FOXN3: variants seen among roughly 807,000 people sequenced by gnomAD.
FOXN3 encodes forkhead box protein N3.
In FOXN3, 7 loss-of-function variants were observed where a neutral mutation model predicts 38.4. The observed-to-expected ratio is 0.18, with a 90% CI of 0.10 to 0.34. The LOEUF is 0.34. Among genes scored for constraint, FOXN3 ranks in the 10% least tolerant of loss-of-function variants. The probability of loss-of-function intolerance (pLI) is 1.00; values close to 1 mark genes in which losing one functional copy is unlikely to be tolerated. For missense variants in FOXN3, 456 were observed against 613.4 expected, an observed-to-expected ratio of 0.74 and a Z score of 2.71; for synonymous variants, 230 against 242.2, an observed-to-expected ratio of 0.95 and a Z score of 0.47.
At chr14:89,323,334 T>C (rs1338085268) in intron 3 of FOXN3, among the ~76,000 whole-genome samples, 2 of 145,274 alleles carry the variant, frequency 1.4e-5, no homozygotes, top group East Asian at 4.0e-4. Context: ...AGAATGACAG[T>C]GGGGCACGAG....
chr14:89,544,763 C>T (rs746663808), intron 1 of FOXN3, among the ~76,000 whole-genome samples: 8 of 152,108 alleles, frequency 5.3e-5, no homozygotes, highest in Non-Finnish European at 1.0e-4. Flanking sequence ...TACTGGGTGA[C>T]TTACAGATGG....
chr14:89,525,939 C>A (rs1894424118), intron 1 of FOXN3, among the ~76,000 whole-genome samples: 1 of 151,844 alleles, frequency 6.6e-6, no homozygotes, highest in Non-Finnish European at 1.5e-5. Context: ...GGAGTTTATT[C>A]CAGAAATGCA....
At chr14:89,531,129 T>TAC (rs1215202182) in intron 1 of FOXN3, among the ~76,000 whole-genome samples, 2 of 149,104 alleles carry the variant, frequency 1.3e-5, no homozygotes, top group Non-Finnish European at 3.0e-5. Context: ...ATAATATATA[T>TAC]ACACATATAT....
chr14:89,379,096 T>C (rs1277992046), intron 2 of FOXN3, among the ~76,000 whole-genome samples: 1 of 152,220 alleles, frequency 6.6e-6, no homozygotes, highest in African/African-American at 2.4e-5. Flanking sequence ...GTTTTCGTGA[T>C]ACCCTGGCTG....
chr14:89,507,766 GACAATTTC>G (rs1156631246), intron 1 of FOXN3, among the ~76,000 whole-genome samples: 7 of 151,162 alleles, frequency 4.6e-5, no homozygotes, highest in Non-Finnish European at 7.4e-5. Flanking sequence ...GAAGGAGGGA[GACAATTTC>G]ACACTCATTA....
intron 1 of FOXN3, among the ~76,000 whole-genome samples, chr14:89,590,508 G>C (rs892574107): frequency 3.9e-5 from 6 of 152,150 alleles, no homozygotes; most frequent in African/African-American, 1.2e-4. Context: ...GGAATCAGAG[G>C]CATCAGATAC....
At chr14:89,556,219 C>T (rs1461477598) in intron 1 of FOXN3, among the ~76,000 whole-genome samples, 1 of 151,962 alleles carries the variant, frequency 6.6e-6, no homozygotes, top group African/African-American at 2.4e-5. Flanking sequence ...GCCTGACCAA[C>T]ATGGAGAAAC....
chr14:89,579,205 C>T (rs1467557289), intron 1 of FOXN3, among the ~76,000 whole-genome samples: 3 of 143,442 alleles, frequency 2.1e-5, no homozygotes, highest in Non-Finnish European at 4.5e-5. Context: ...GGCTGAAGTA[C>T]ACTGGCATGA....
chr14:89,324,312 G>C (rs1887978752), intron 3 of FOXN3, among the ~76,000 whole-genome samples: 1 of 152,092 alleles, frequency 6.6e-6, no homozygotes. Flanking sequence ...GGGAGGTGGG[G>C]GGACATTTTC....
intron 1 of FOXN3, among the ~76,000 whole-genome samples, chr14:89,487,858 C>T (rs1566672788): frequency 6.6e-6 from 1 of 151,806 alleles, no homozygotes; most frequent in Non-Finnish European, 1.5e-5. Context: ...GGGGGTGCCA[C>T]GAAAGGAAGG....
intron 1 of FOXN3, among the ~76,000 whole-genome samples, chr14:89,592,330 C>T (rs935312350): frequency 2.6e-5 from 4 of 152,052 alleles, no homozygotes; most frequent in Non-Finnish European, 5.9e-5. Context: ...ATAAGCAAAA[C>T]CACAAAATCC....
chr14:89,602,035 G>T (rs938615275), intron 1 of FOXN3, among the ~76,000 whole-genome samples: 1 of 152,104 alleles, frequency 6.6e-6, no homozygotes, highest in Non-Finnish European at 1.5e-5. Flanking sequence ...CCCCTTCAGG[G>T]ATTTAGCTTT....
At chr14:89,272,602 A>C (rs1015071080) in intron 4 of FOXN3, among the ~76,000 whole-genome samples, 5 of 152,094 alleles carry the variant, frequency 3.3e-5, no homozygotes, top group Admixed American at 6.5e-5. Context: ...CTGTAATCCC[A>C]ACAGTTTGGG....
rs146925725 is a variant in FOXN3, at chr14:89,252,980, A to G, written c.745+27970T>C. Reference sequence around the variant, plus strand: ...CGCAGTCACTTTAGAGAAAGGAGACAAGCTCCGAGAGCTTGGAAGGGGGTT... The same window carrying G: ...CGCAGTCACTTTAGAGAAAGGAGACGAGCTCCGAGAGCTTGGAAGGGGGTT... On this transcript the variant is annotated intron_variant, in intron 4 of 5. Coordinates refer to ENST00000557258, the MANE Select transcript of FOXN3 (RefSeq NM_005197.4). Among the ~76,000 whole-genome samples the G allele has an allele frequency of 1.3e-3, 195 of 152,272 alleles. 1 individual carries two copies. The highest frequency in any genetic ancestry group is 4.5e-3 in the African/African-American group (186 of 41,548).
chr14:89,380,268 C>G (rs1890605896), intron 2 of FOXN3, among the ~76,000 whole-genome samples: 1 of 152,216 alleles, frequency 6.6e-6, no homozygotes, highest in African/African-American at 2.4e-5. Context: ...GTAAGACATG[C>G]CTTTGCTCCT....
intron 4 of FOXN3, among the ~76,000 whole-genome samples, chr14:89,231,461 C>T (rs554040147): frequency 6.6e-6 from 1 of 152,172 alleles, no homozygotes; most frequent in East Asian, 1.9e-4. Context: ...GCCAGGTGAT[C>T]CAAGAGGGAG....
chr14:89,205,101 A>C (rs987972334), intron 4 of FOXN3, among the ~76,000 whole-genome samples: 12 of 151,162 alleles, frequency 7.9e-5, no homozygotes, highest in African/African-American at 3.0e-4. Context: ...AGTATTCTGC[A>C]TGTCAGGAGT....
At chr14:89,449,015 G>T (rs1596278172) in intron 1 of FOXN3, among the ~76,000 whole-genome samples, 1 of 152,094 alleles carries the variant, frequency 6.6e-6, no homozygotes, top group African/African-American at 2.4e-5. Flanking sequence ...TTGGGTCAAG[G>T]TTACCTTCTG....
intron 3 of FOXN3, among the ~76,000 whole-genome samples, chr14:89,317,488 A>C (rs962099709): frequency 6.6e-6 from 1 of 152,152 alleles, no homozygotes; most frequent in Non-Finnish European, 1.5e-5. Context: ...TGTACTTCTG[A>C]AAGTGCCTGT....
Sources: allele counts gnomAD v4.1 joint callset (sites outside exome capture counted in the v4.1 genomes callset), GRCh38; gene constraint gnomAD v4.1.1; transcripts MANE v1.5; gene names NCBI Gene and HGNC (gene_info 2026-07-23, HGNC 2026-07-21).